UNC5C: variants seen among roughly 807,000 people sequenced by gnomAD.
UNC5C encodes the protein unc-5 netrin receptor C.
In UNC5C, 47 loss-of-function variants were observed where a neutral mutation model predicts 99.8. The observed-to-expected ratio is 0.47, with a 90% CI of 0.37 to 0.60. UNC5C has a LOEUF of 0.60. Among genes scored for constraint, UNC5C ranks in the 20% least tolerant of loss-of-function variants. UNC5C has a pLI of 0.00. For synonymous variants in UNC5C, 487 were observed against 452.2 expected (o/e 1.08, Z -0.98); for missense variants, 1,062 against 1,165.9 (o/e 0.91, Z 1.30).
At chr4:95,391,230 T>A (rs1427881483) in intron 1 of UNC5C, among the ~76,000 whole-genome samples, 1 of 152,164 alleles carries the variant, frequency 6.6e-6, no homozygotes, top group African/African-American at 2.4e-5. Context: ...TATTTCTTCA[T>A]AGCAGTATGA....
At chr4:95,180,741 G>T (rs1736578553) in intron 14 of UNC5C, among the ~76,000 whole-genome samples, 1 of 152,270 alleles carries the variant, frequency 6.6e-6, no homozygotes, top group South Asian at 2.1e-4. Flanking sequence ...TGGGTGGCTG[G>T]AGGGAGGGGC....
Position 95,163,060 on chromosome 4 carries a change from C to T in UNC5C, c.*6174G>A, listed in dbSNP as rs1331052694. On this transcript the variant is annotated 3_prime_UTR_variant, in exon 16 of 16. Coordinates refer to ENST00000453304, the MANE Select transcript of UNC5C (RefSeq NM_003728.4). The stretch of plus-strand genomic sequence containing the variant: ...ACACATATAACACCATGACATCACA[C>T]ACACACAGTGATGTTCCCTGCAACT... The T allele has an allele frequency of 6.6e-6, 1 of 152,202 alleles. No individual in the cohort carries two copies. The highest frequency in any genetic ancestry group is 1.5e-5 in the Non-Finnish European group (1 of 68,048). 9.4% of individuals were successfully genotyped at this position (152,202 alleles called of 1,614,324 possible).
chr4:95,196,823 A>G lies in UNC5C; in HGVS notation c.2136+5908T>C, dbSNP rs113746285. On this transcript the variant is annotated intron_variant, in intron 12 of 15. Coordinates refer to ENST00000453304, the MANE Select transcript of UNC5C (RefSeq NM_003728.4). ...TTTATGTAATATATAATATATATTT[A>G]TATATTATATTTATGTAATATATAA... 8.6e-4 allele frequency among the ~76,000 whole-genome samples: 14 copies of G among 16,308 alleles called. 1 individual carries two copies. The highest frequency in any genetic ancestry group is 3.1e-3 in the African/African-American group (14 of 4,528). The allele number at this position is 16,308 out of a possible 152,430, so 10.7% of individuals were successfully genotyped here. A position where few individuals can be genotyped will look rare whatever the true frequency, so the allele number is the denominator to read the frequency against.
At chr4:95,382,676 G>A (rs1334355242) in intron 1 of UNC5C, among the ~76,000 whole-genome samples, 5 of 152,220 alleles carry the variant, frequency 3.3e-5, no homozygotes, top group Admixed American at 6.5e-5. Context: ...GAGTCCTCAG[G>A]TGGAATAATC....
chr4:95,355,274 T>A (rs1284590048), intron 1 of UNC5C, among the ~76,000 whole-genome samples: 1 of 152,198 alleles, frequency 6.6e-6, no homozygotes, highest in Non-Finnish European at 1.5e-5. Flanking sequence ...AGCTTAGAGA[T>A]GACCACAAGA....
intron 1 of UNC5C, among the ~76,000 whole-genome samples, chr4:95,450,177 G>T (rs887060572): frequency 3.3e-5 from 5 of 152,136 alleles, no homozygotes; most frequent in African/African-American, 1.2e-4. Flanking sequence ...GGCATTATAG[G>T]TAATTAGCAG....
rs771476437 is a variant in UNC5C, at chr4:95,169,227, A to T, written c.*7T>A. On this transcript the variant is annotated 3_prime_UTR_variant, in exon 16 of 16. Coordinates refer to ENST00000453304, the MANE Select transcript of UNC5C (RefSeq NM_003728.4). ...TTTGTCCTTCATTTCCCCTTCCAGC[A>T]TGGTGGTTAATACTGCCCTTCTGCT... 2 of 1,613,330 alleles carry T rather than the reference A, an allele frequency of 1.2e-6. No homozygotes were observed. The highest frequency in any genetic ancestry group is 1.3e-5 in the African/African-American group (1 of 75,006).
At chr4:95,190,615 G>GC (rs1032823242) in intron 12 of UNC5C, among the ~76,000 whole-genome samples, 2 of 152,042 alleles carry the variant, frequency 1.3e-5, no homozygotes, top group African/African-American at 4.8e-5. Flanking sequence ...ACTGCGCCCA[G>GC]CCCCCCTTGT....
At chr4:95,285,752 A>G (rs532826504) in intron 3 of UNC5C, among the ~76,000 whole-genome samples, 84 of 152,356 alleles carry the variant, frequency 5.5e-4, no homozygotes, top group African/African-American at 1.7e-3. Flanking sequence ...AGTTATCAAG[A>G]TATACATAGT....
At chr4:95,425,208 T>A (rs943075558) in intron 1 of UNC5C, among the ~76,000 whole-genome samples, 2 of 152,252 alleles carry the variant, frequency 1.3e-5, no homozygotes, top group Non-Finnish European at 2.9e-5. Context: ...TTCTATATTA[T>A]CTCAGATTTA....
intron 1 of UNC5C, among the ~76,000 whole-genome samples, chr4:95,539,707 A>T (rs1048314488): frequency 6.6e-6 from 1 of 152,124 alleles, no homozygotes; most frequent in East Asian, 1.9e-4. Context: ...GAATTAGTGA[A>T]CTATATTTGT....
intron 1 of UNC5C, among the ~76,000 whole-genome samples, chr4:95,477,442 G>A (rs1005547012): frequency 1.3e-5 from 2 of 152,004 alleles, no homozygotes; most frequent in Non-Finnish European, 2.9e-5. Context: ...GTGGACTGGA[G>A]AAAGGGCCAG....
intron 1 of UNC5C, among the ~76,000 whole-genome samples, chr4:95,381,665 T>C (rs1745075912): frequency 6.6e-6 from 1 of 152,188 alleles, no homozygotes; most frequent in Admixed American, 6.5e-5. Flanking sequence ...ATAGTTTGTG[T>C]CTAAATTTTG....
rs138776293 is a variant in UNC5C at position 95,193,415 on chromosome 4, G to A, written c.2137-8219C>T. Reference sequence around the variant, plus strand: ...ACAGGAGGCTGAGTTGTACTGCAGCGGTGCCCCACCTTCACCTTGATTCTG... The same window carrying A: ...ACAGGAGGCTGAGTTGTACTGCAGCAGTGCCCCACCTTCACCTTGATTCTG... On this transcript the variant is annotated intron_variant, in intron 12 of 15. Transcript: ENST00000453304. Among the ~76,000 whole-genome samples, 1,510 of 152,238 alleles carry A rather than the reference G, an allele frequency of 9.9e-3. 9 individuals are homozygous for A. The highest frequency in any genetic ancestry group is 0.016 in the Non-Finnish European group (1,116 of 68,016).
chr4:95,448,499 A>C (rs1476071063), intron 1 of UNC5C, among the ~76,000 whole-genome samples: 1 of 152,176 alleles, frequency 6.6e-6, no homozygotes, highest in Admixed American at 6.5e-5. Context: ...ATCAATTTTA[A>C]ATTCTAGTGA....
At chr4:95,252,686 C>T (rs1357018609) in intron 4 of UNC5C, among the ~76,000 whole-genome samples, 1 of 152,168 alleles carries the variant, frequency 6.6e-6, no homozygotes, top group African/African-American at 2.4e-5. Flanking sequence ...GCTCCAAAAT[C>T]TGAAACTTTT....
At chr4:95,329,259 CA>C (rs1743020689) in intron 2 of UNC5C, among the ~76,000 whole-genome samples, 2 of 152,080 alleles carry the variant, frequency 1.3e-5, no homozygotes, top group Non-Finnish European at 2.9e-5. Flanking sequence ...CACTGCATTC[CA>C]GCCTGGAAGA....
rs919872214 is a variant in UNC5C at position 95,411,573 on chromosome 4, C to T, written c.125-75942G>A. 2.6e-5 allele frequency among the ~76,000 whole-genome samples: 4 copies of T among 152,182 alleles called. No homozygotes were observed. In the East Asian group the frequency reaches 5.8e-4, roughly 22 times the overall value. Reference sequence around the variant, plus strand: ...AGCATCAGGCTGTTTTGTATCCAACCGTAAATCTGCACACTACAGGAAAAG... The same window carrying T: ...AGCATCAGGCTGTTTTGTATCCAACTGTAAATCTGCACACTACAGGAAAAG... On this transcript the variant is annotated intron_variant, in intron 1 of 15. Coordinates refer to ENST00000453304, the MANE Select transcript of UNC5C (RefSeq NM_003728.4).
chr4:95,189,800 C>A (rs1736995088), intron 12 of UNC5C, among the ~76,000 whole-genome samples: 1 of 152,204 alleles, frequency 6.6e-6, no homozygotes, highest in Non-Finnish European at 1.5e-5. Flanking sequence ...GATATCATCT[C>A]ACACCAGTTA....
Sources: allele counts gnomAD v4.1 joint callset (sites outside exome capture counted in the v4.1 genomes callset), GRCh38; gene constraint gnomAD v4.1.1; transcripts MANE v1.5; gene names NCBI Gene and HGNC (gene_info 2026-07-23, HGNC 2026-07-21).